The following PCDHGA2 variants were observed in gnomAD, a reference collection of about 807,000 sequenced individuals.
PCDHGA2 encodes the protein protocadherin gamma subfamily A, 2, also known as protocadherin gamma-A2.
PCDHGA2 carries 40 observed loss-of-function variants against 59.2 expected under a neutral mutation model. The ratio of observed to expected loss-of-function variants is 0.68; its 90% CI spans 0.52 to 0.88. The LOEUF (loss-of-function observed/expected upper bound fraction) is 0.88. Among genes scored for constraint, PCDHGA2 ranks in the 40% least tolerant of loss-of-function variants. PCDHGA2 has a pLI of 0.00. For synonymous variants in PCDHGA2, 560 were observed against 526.0 expected (o/e 1.06, Z -0.89); for missense variants, 1,226 against 1,204.0 (o/e 1.02, Z -0.27).
chr5:141,477,817 C>G lies in PCDHGA2; in HGVS notation c.2425-16990C>G, dbSNP rs1593824080. 2 of 1,614,138 alleles carry G rather than the reference C, an allele frequency of 1.2e-6. No individual in the cohort carries two copies. The highest frequency in any genetic ancestry group is 8.5e-7 in the Non-Finnish European group (1 of 1,180,038). ...ATCGCAATGACAATGCCCCCCAGGT[C>G]CTATATCCTCGGCCAGGTGGGAGCT... is the stretch of plus-strand genomic sequence containing the variant. On this transcript the variant is annotated intron_variant, in intron 1 of 3. Coordinates refer to ENST00000394576, the MANE Select transcript of PCDHGA2 (RefSeq NM_018915.4). This position sits in a 1 kb window ranked among gnomAD's most constrained non-coding sequence, Gnocchi z 4.9.
At position 141,432,432 on chromosome 5, in the gene PCDHGA2, A is replaced by G. The variant is rs1431760497; in HGVS notation, c.2425-62375A>G. On this transcript the variant is annotated intron_variant, in intron 1 of 3. Transcript: ENST00000394576. This position sits in a 1 kb window ranked among gnomAD's most constrained non-coding sequence, Gnocchi z 6.0. ...CTGTTCGTGCTGGACCAGAACGACA[A>G]TGCGCCCGAGATCCTGTACCCCGCC... The G allele has an allele frequency of 2.5e-6, 4 of 1,614,156 alleles. No homozygotes were observed. Among genetic ancestry groups the G allele is most frequent in the Non-Finnish European group, 3.4e-6 (4 of 1,180,028 alleles).
chr5:141,465,778 A>G (rs544366126), intron 1 of PCDHGA2, among the ~76,000 whole-genome samples: 1 of 148,538 alleles, frequency 6.7e-6, no homozygotes, highest in East Asian at 1.9e-4. Context: ...CTCTTGTTAC[A>G]GTTTTTTTTT....
At chr5:141,500,991 C>T (rs2099804636) in intron 2 of PCDHGA2, among the ~76,000 whole-genome samples, 1 of 152,024 alleles carries the variant, frequency 6.6e-6, no homozygotes, top group South Asian at 2.1e-4. Flanking sequence ...GCCTCAGCCT[C>T]CTGAGTAGCT....
Position 141,415,142 on chromosome 5 carries a change from C to A in PCDHGA2, c.2424+73747C>A, listed in dbSNP as rs757516335. On this transcript the variant is annotated intron_variant, in intron 1 of 3. Coordinates refer to ENST00000394576, the MANE Select transcript of PCDHGA2 (RefSeq NM_018915.4). The stretch of plus-strand genomic sequence containing the variant: ...GTGGCCGTCCAGGACCACGGCCAGC[C>A]CCCTCTCTCCGCCACTGTCACGCTC... 10 of 1,613,732 alleles carry A rather than the reference C, an allele frequency of 6.2e-6. 1 individual carries two copies. In the South Asian group the frequency reaches 1.1e-4, roughly 18 times the overall value.
chr5:141,352,451 T>C (rs1370878930), intron 1 of PCDHGA2: 2 of 1,614,028 alleles, frequency 1.2e-6, no homozygotes, highest in South Asian at 2.2e-5. Context: ...CTGCTCCAAG[T>C]CTGGGCCCGG....
At chr5:141,350,902 C>T (rs749311481) in intron 1 of PCDHGA2, 2 of 1,612,812 alleles carry the variant, frequency 1.2e-6, no homozygotes, top group South Asian at 1.1e-5. Flanking sequence ...CCATGGATGG[C>T]GGGGACCCGC....
chr5:141,388,397 A>C, intron 1 of PCDHGA2: 1 of 1,613,956 alleles, frequency 6.2e-7, no homozygotes, highest in Non-Finnish European at 8.5e-7. Context: ...AGAATTACCA[A>C]CTCAGTCCCA....
chr5:141,497,775 A>G (rs2099779384), intron 2 of PCDHGA2, among the ~76,000 whole-genome samples: 2 of 152,054 alleles, frequency 1.3e-5, no homozygotes, highest in South Asian at 4.2e-4. Context: ...CCCGACCTCA[A>G]CTGATCCACC....
At chr5:141,444,659 C>G (rs2098443878) in intron 1 of PCDHGA2, among the ~76,000 whole-genome samples, 1 of 152,032 alleles carries the variant, frequency 6.6e-6, no homozygotes, top group African/African-American at 2.4e-5. Context: ...GAAGTTATTT[C>G]CCATTTTTTT....
intron 1 of PCDHGA2, among the ~76,000 whole-genome samples, chr5:141,448,476 G>A (rs1002358317): frequency 1.3e-5 from 2 of 151,976 alleles, no homozygotes; most frequent in African/African-American, 4.8e-5. Flanking sequence ...TTCCACCCTT[G>A]CTTCCTCCTG....
chr5:141,487,256 G>A lies in PCDHGA2; in HGVS notation c.2425-7551G>A. ...ATCTCGTCTAACCCTCTACTTGGCTGTGTCCCTAGTGGCAATTTGCTTTGT... is the reference window on the plus strand; with the variant it reads ...ATCTCGTCTAACCCTCTACTTGGCTATGTCCCTAGTGGCAATTTGCTTTGT... On this transcript the variant is annotated intron_variant, in intron 1 of 3. Transcript: ENST00000394576. The surrounding 1 kb of genome is among the most constrained non-coding windows in gnomAD (Gnocchi z 5.0). The A allele has an allele frequency of 6.2e-7, 1 of 1,614,166 alleles. No individual in the cohort carries two copies. The highest frequency in any genetic ancestry group is 8.5e-7 in the Non-Finnish European group (1 of 1,180,032).
chr5:141,417,001 ATAAT>A (rs2096073629), intron 1 of PCDHGA2: 2 of 150,812 alleles, frequency 1.3e-5, no homozygotes, highest in Non-Finnish European at 1.5e-5. Flanking sequence ...TTCATCTCAA[ATAAT>A]TCTATTATTT....
chr5:141,408,332 G>A, intron 1 of PCDHGA2: 1 of 1,613,912 alleles, frequency 6.2e-7, no homozygotes, highest in South Asian at 1.1e-5. Context: ...GCTGGCCAAG[G>A]GCTCGGTGGT....
In PCDHGA2 at chr5:141,389,591, C is replaced by G. The variant is rs533336501; in HGVS notation, c.2424+48196C>G. ...TGTACCCCGCGCTGGGTCCCGACGG[C>G]TCTGCGCTCTTCGATATGGTGCCGC... On this transcript the variant is annotated intron_variant, in intron 1 of 3. Transcript: ENST00000394576. 2.1e-5 allele frequency: 34 copies of G among 1,613,176 alleles called. No homozygotes were observed. The African/African-American group carries it at 2.1e-4, about 10-fold the overall frequency.
chr5:141,340,983 T>A lies in PCDHGA2; in HGVS notation c.2012T>A (p.Ile671Asn), dbSNP rs749041064. The change falls in exon 1 of 4, where the codon ATC becomes AAC. Residue 671 changes from isoleucine (I) to asparagine (N), a missense_variant. Coordinates refer to ENST00000394576, the MANE Select transcript of PCDHGA2 (RefSeq NM_018915.4). The part of the protein sequence containing the change: ...TVAVADRIPD[I>N]LADLGSLEPS... ...GCCGTGGCCGACAGGATCCCCGACA[T>A]CCTGGCCGACCTGGGCAGCCTCGAG... 8.7e-6 allele frequency: 14 copies of A among 1,613,742 alleles called. No individual in the cohort carries two copies. Among genetic ancestry groups the A allele is most frequent in the Non-Finnish European group, 8.5e-7 (1 of 1,179,828 alleles).
At chr5:141,393,722 A>T in intron 1 of PCDHGA2, 1 of 1,613,892 alleles carries the variant, frequency 6.2e-7, no homozygotes, top group Non-Finnish European at 8.5e-7. Context: ...AAATATCAAT[A>T]GCAAAAAGTC....
intron 3 of PCDHGA2, among the ~76,000 whole-genome samples, chr5:141,505,765 T>C (rs970212345): frequency 5.3e-5 from 8 of 151,922 alleles, no homozygotes; most frequent in African/African-American, 1.9e-4. Flanking sequence ...ACAGTGTAGC[T>C]CAGGTCCTAG....
rs755177334 is a variant in PCDHGA2, at chr5:141,403,403, C to A, written c.2424+62008C>A. On this transcript the variant is annotated intron_variant, in intron 1 of 3. Coordinates refer to ENST00000394576, the MANE Select transcript of PCDHGA2 (RefSeq NM_018915.4). ...TAACGAAATCGCGGTTCCTGGAGCA[C>A]GTTATCCACTTCCAGAAGCTATTGA... 6.2e-6 allele frequency: 10 copies of A among 1,613,948 alleles called. 1 individual carries two copies. The South Asian group carries it at 1.1e-4, about 18-fold the overall frequency.
At chr5:141,350,525 C>G in intron 1 of PCDHGA2, 2 of 1,613,934 alleles carry the variant, frequency 1.2e-6, no homozygotes, top group East Asian at 4.5e-5. Context: ...TAGGATAGAT[C>G]GAGAGAAGAT....
Sources: gnomAD v4.1 joint callset for allele counts (sites outside exome capture counted in the v4.1 genomes callset) on GRCh38, gnomAD v4.1.1 for gene constraint, Gnocchi (gnomAD v3.1) non-coding constraint, MANE v1.5 for transcripts, NCBI Gene and HGNC (gene_info 2026-07-23, HGNC 2026-07-21) for gene names.